The following LGR5 variants were observed in gnomAD, a reference collection of about 807,000 sequenced individuals.
The protein encoded by LGR5 is leucine rich repeat containing G protein-coupled receptor 5, also known as leucine-rich repeat-containing G protein-coupled receptor 5.
LGR5 carries 54 observed loss-of-function variants against 76.7 expected under a neutral mutation model. That is an observed-to-expected ratio of 0.70 (90% confidence interval 0.57 to 0.88). LGR5 has a LOEUF of 0.88. Ranked by LOEUF, LGR5 falls within the 40% of genes least tolerant of loss-of-function variation. The pLI is 0.00. For missense variants in LGR5, 1,078 were observed against 1,073.3 expected (o/e 1.00, Z -0.06); for synonymous variants, 406 against 421.9 (o/e 0.96, Z 0.46).
At chr12:71,530,981 A>T (rs1288665483) in intron 3 of LGR5, among the ~76,000 whole-genome samples, 2 of 138,568 alleles carry the variant, frequency 1.4e-5, no homozygotes, top group African/African-American at 2.7e-5. Flanking sequence ...ACCTGTTCTT[A>T]CTTAGTCCTG....
intron 4 of LGR5, among the ~76,000 whole-genome samples, chr12:71,538,108 T>G (rs767148748): frequency 1.3e-5 from 2 of 152,164 alleles, no homozygotes; most frequent in Non-Finnish European, 2.9e-5. Context: ...AAAACCACAT[T>G]TACTTTTGTA....
At chr12:71,502,122 G>C (rs1288489346) in intron 1 of LGR5, among the ~76,000 whole-genome samples, 1 of 151,792 alleles carries the variant, frequency 6.6e-6, no homozygotes, top group South Asian at 2.1e-4. Flanking sequence ...TTATCTAAGA[G>C]GAATTACAAT....
chr12:71,550,923 C>T (rs570031579), intron 4 of LGR5, among the ~76,000 whole-genome samples: 4 of 152,196 alleles, frequency 2.6e-5, no homozygotes, highest in Non-Finnish European at 5.9e-5. Context: ...AAAGCAATCA[C>T]CTCTTTATCT....
intron 12 of LGR5, among the ~76,000 whole-genome samples, chr12:71,572,083 CT>C (rs35367098): frequency 1.1e-3 from 146 of 137,448 alleles, no homozygotes; most frequent in African/African-American, 1.3e-3. Context: ...AAACATCAGC[CT>C]TTTTTTTTTT....
intron 1 of LGR5, among the ~76,000 whole-genome samples, chr12:71,458,464 T>TTAGTTTTCTG (rs2137222629): frequency 6.6e-6 from 1 of 152,292 alleles, no homozygotes; most frequent in South Asian, 2.1e-4. Context: ...ATAATTGGAT[T>TTAGTTTTCTG]TAGTTTTCTG....
At chr12:71,463,348 ATTC>A (rs1872746252) in intron 1 of LGR5, among the ~76,000 whole-genome samples, 2 of 152,344 alleles carry the variant, frequency 1.3e-5, no homozygotes, top group South Asian at 4.1e-4. Flanking sequence ...CAGACTGTAT[ATTC>A]TCTTAGCTTC....
chr12:71,541,471 G>T (rs181672821), intron 4 of LGR5, among the ~76,000 whole-genome samples: 54 of 152,252 alleles, frequency 3.5e-4, no homozygotes, highest in African/African-American at 1.3e-3. Context: ...TTGAACTCTT[G>T]GTTACAGAGA....
At chr12:71,493,411 G>T (rs78128638) in intron 1 of LGR5, among the ~76,000 whole-genome samples, 1,855 of 151,298 alleles carry the variant, frequency 0.012, 58 homozygotes, top group Middle Eastern at 0.034. Context: ...AAATTTTTGT[G>T]TATTTTCTTT....
chr12:71,462,851 C>T (rs1443050264), intron 1 of LGR5, among the ~76,000 whole-genome samples: 2 of 152,146 alleles, frequency 1.3e-5, no homozygotes, highest in Non-Finnish European at 2.9e-5. Flanking sequence ...CAAAACACTT[C>T]ATTAATACAT....
chr12:71,472,675 G>T (rs1873151598), intron 1 of LGR5, among the ~76,000 whole-genome samples: 1 of 152,190 alleles, frequency 6.6e-6, no homozygotes, highest in African/African-American at 2.4e-5. Context: ...TTTGTTTCAA[G>T]AATGTTGTTA....
At chr12:71,579,890 A>AT (rs560595986) in intron 15 of LGR5, among the ~76,000 whole-genome samples, 4 of 152,292 alleles carry the variant, frequency 2.6e-5, no homozygotes, top group African/African-American at 9.6e-5. Flanking sequence ...TTTCCAGTGC[A>AT]TTTTTTATTG....
chr12:71,579,070 C>A, intron 15 of LGR5, 141 bp downstream of exon 15: 2 of 683,872 alleles, frequency 2.9e-6, no homozygotes, highest in Non-Finnish European at 4.5e-6. Context: ...AACCCTGGAG[C>A]ATTGTTAGGA....
chr12:71,562,267 G>T (rs917840902), intron 8 of LGR5, among the ~76,000 whole-genome samples: 29 of 152,172 alleles, frequency 1.9e-4, no homozygotes, highest in African/African-American at 7.0e-4. Flanking sequence ...AGCCTAAATT[G>T]ATGGTAGGGG....
chr12:71,534,309 G>A (rs759879217), intron 3 of LGR5, among the ~76,000 whole-genome samples: 6 of 152,044 alleles, frequency 3.9e-5, no homozygotes, highest in Non-Finnish European at 5.9e-5. Flanking sequence ...GCTTCCAGGC[G>A]TTTCCATTCT....
chr12:71,457,923 A>G (rs932445037), intron 1 of LGR5, among the ~76,000 whole-genome samples: 4 of 152,150 alleles, frequency 2.6e-5, no homozygotes, highest in African/African-American at 9.7e-5. Flanking sequence ...ATCAAATTGA[A>G]AAAGTTAGTC....
At chr12:71,456,590 ATTTTATT>A (rs1241945922) in intron 1 of LGR5, among the ~76,000 whole-genome samples, 2 of 152,184 alleles carry the variant, frequency 1.3e-5, no homozygotes, top group African/African-American at 4.8e-5. Flanking sequence ...GAAGGCAACC[ATTTTATT>A]TTTCAAATGG....
chr12:71,582,438 G>T lies in LGR5; in HGVS notation c.1553-18G>T, dbSNP rs1879131101. The T allele has an allele frequency of 1.2e-6, 2 of 1,609,950 alleles. No homozygotes were observed. The highest frequency in any genetic ancestry group is 2.7e-5 in the African/African-American group (2 of 74,808). ...AAGAGAGTCAGAACTAATCATTCCA[G>T]GACTTCTTGTGCTGCAGATGAACGT... On this transcript the variant is annotated intron_variant, in intron 16 of 17. Transcript: ENST00000266674.
At chr12:71,457,491 C>T (rs1188022904) in intron 1 of LGR5, among the ~76,000 whole-genome samples, 8 of 152,054 alleles carry the variant, frequency 5.3e-5, no homozygotes, top group Admixed American at 4.6e-4. Flanking sequence ...ATGCTGGGAG[C>T]TAAATACATC....
intron 1 of LGR5, among the ~76,000 whole-genome samples, chr12:71,481,956 C>A (rs371946415): frequency 1.2e-4 from 19 of 152,226 alleles, no homozygotes; most frequent in South Asian, 8.3e-4. Context: ...CAGCGCATCA[C>A]TTTAGCCTTT....
Sources: allele counts gnomAD v4.1 joint callset (sites outside exome capture counted in the v4.1 genomes callset), GRCh38; gene constraint gnomAD v4.1.1; transcripts MANE v1.5; gene names NCBI Gene and HGNC (gene_info 2026-07-23, HGNC 2026-07-21).